Variants in GPHN observed in about 807,000 individuals in gnomAD.
GPHN encodes gephyrin.
GPHN carries 17 observed loss-of-function variants against 95.5 expected under a neutral mutation model. The ratio of observed to expected loss-of-function variants is 0.18; its 90% CI spans 0.12 to 0.27. The LOEUF (loss-of-function observed/expected upper bound fraction) is 0.27, where lower values mean the gene tolerates loss of function less well. Among genes scored for constraint, GPHN ranks in the 10% least tolerant of loss-of-function variants. The pLI, the probability that GPHN is intolerant of heterozygous loss-of-function variation, is 1.00. For missense variants in GPHN, 660 were observed against 978.1 expected, an observed-to-expected ratio of 0.67 and a Z score of 4.34; for synonymous variants, 320 against 322.5, an observed-to-expected ratio of 0.99 and a Z score of 0.08.
chr14:66,526,854 A>G (rs1015706816), intron 1 of GPHN, among the ~76,000 whole-genome samples: 1 of 152,084 alleles, frequency 6.6e-6, no homozygotes, highest in Non-Finnish European at 1.5e-5. Flanking sequence ...AAGCTTTCTG[A>G]TGTGCTATTG....
chr14:66,564,177 G>A (rs7156795), intron 1 of GPHN, among the ~76,000 whole-genome samples: 38,336 of 151,848 alleles, frequency 0.25, 9,744 homozygotes, highest in African/African-American at 0.62. Context: ...TACCCTGGTG[G>A]TTCTTAGATT....
At chr14:67,028,028 C>T (rs544513564) in intron 10 of GPHN, among the ~76,000 whole-genome samples, 2 of 151,968 alleles carry the variant, frequency 1.3e-5, no homozygotes, top group Admixed American at 1.3e-4. Flanking sequence ...TTTCTTTATC[C>T]CCCACACCAT....
At chr14:66,611,856 A>G (rs1434631523) in intron 1 of GPHN, among the ~76,000 whole-genome samples, 1 of 152,130 alleles carries the variant, frequency 6.6e-6, no homozygotes. Flanking sequence ...CTTCCATACT[A>G]TTCTTCACTG....
chr14:67,477,797 A>G, the GPHN span, among the ~76,000 whole-genome samples: 1 of 152,170 alleles, frequency 6.6e-6, no homozygotes, highest in South Asian at 2.1e-4. Context: ...CAAACCCATT[A>G]TCTTTTCCCC....
intron 9 of GPHN, among the ~76,000 whole-genome samples, chr14:66,974,604 T>C (rs1358573598): frequency 6.6e-6 from 1 of 152,108 alleles, no homozygotes; most frequent in Non-Finnish European, 1.5e-5. Context: ...TAAGACAGAC[T>C]GTAAGTGGTA....
chr14:67,041,243 G>T (rs2074685074), intron 10 of GPHN, among the ~76,000 whole-genome samples: 1 of 151,336 alleles, frequency 6.6e-6, no homozygotes, highest in African/African-American at 2.4e-5. Flanking sequence ...TATACTTTAA[G>T]TTCTGGGGTA....
the GPHN span, among the ~76,000 whole-genome samples, chr14:67,195,744 T>C: frequency 6.6e-6 from 1 of 151,892 alleles, no homozygotes; most frequent in East Asian, 1.9e-4. Flanking sequence ...TGTGTGTGTG[T>C]GTGTGTGTGT....
rs1477037847 is a variant in GPHN at position 67,144,240 on chromosome 14, AAAAAAAAAAAATATATAT to A, written c.1836+793_1836+810del. Among the ~76,000 whole-genome samples, 211 of 54,524 alleles carry A rather than the reference AAAAAAAAAAAATATATAT, an allele frequency of 3.9e-3. 45 individuals are homozygous for A. Among genetic ancestry groups the A allele is most frequent in the African/African-American group, 0.026 (200 of 7,708 alleles). 35.8% of individuals were successfully genotyped at this position (54,524 alleles called of 152,430 possible). ...CAACACAGCAAGACCCTGTCTTAAA[AAAAAAAAAAAATATATAT>A]ATATATATATATATATATATATATA... On this transcript the variant is annotated intron_variant, in intron 18 of 22. Coordinates refer to ENST00000478722, the MANE Select transcript of GPHN (RefSeq NM_020806.5).
intron 17 of GPHN, among the ~76,000 whole-genome samples, chr14:67,129,886 GAGAA>G (rs546516385): frequency 7.0e-4 from 106 of 151,922 alleles, no homozygotes; most frequent in Non-Finnish European, 1.0e-3. Flanking sequence ...CAGGAAGAAA[GAGAA>G]AGAAAGAAAG....
At chr14:67,233,124 T>TTATTTTATTA in the GPHN span, among the ~76,000 whole-genome samples, 1 of 150,476 alleles carries the variant, frequency 6.6e-6, no homozygotes, top group South Asian at 2.1e-4. Flanking sequence ...TTATTTTATT[T>TTATTTTATTA]TATTTTATTT....
At chr14:67,586,787 G>C in the GPHN span, 7 of 1,375,274 alleles carry the variant, frequency 5.1e-6, no homozygotes, top group East Asian at 2.1e-4. Context: ...CCTTTCTTAA[G>C]AAGGCCCCTT....
the GPHN span, among the ~76,000 whole-genome samples, chr14:67,710,730 TTTTTTTAGAAAGAACG>T: frequency 6.6e-6 from 1 of 152,032 alleles, no homozygotes; most frequent in African/African-American, 2.4e-5. Flanking sequence ...GACACACTTT[TTTTTTTAGAAAGAACG>T]TTTTCCTACA....
the GPHN span, among the ~76,000 whole-genome samples, chr14:67,261,465 A>G: frequency 6.6e-6 from 1 of 152,164 alleles, no homozygotes; most frequent in Non-Finnish European, 1.5e-5. Context: ...CGATTTTGAA[A>G]ATACTTCAGT....
chr14:67,666,010 G>A, the GPHN span, among the ~76,000 whole-genome samples: 34 of 152,250 alleles, frequency 2.2e-4, no homozygotes, highest in East Asian at 5.2e-3. Context: ...AGTCAAAAAC[G>A]GCTACTTCCA....
At chr14:66,793,854 T>C (rs966957872) in intron 3 of GPHN, among the ~76,000 whole-genome samples, 1 of 151,634 alleles carries the variant, frequency 6.6e-6, no homozygotes, top group African/African-American at 2.4e-5. Flanking sequence ...AAAGAAAACA[T>C]TAAAAGGGAA....
At chr14:66,731,841 C>T (rs1016957123) in intron 2 of GPHN, among the ~76,000 whole-genome samples, 1 of 152,170 alleles carries the variant, frequency 6.6e-6, no homozygotes, top group Non-Finnish European at 1.5e-5. Flanking sequence ...CCCTGAGCCC[C>T]TCTGCTCTGT....
intron 2 of GPHN, among the ~76,000 whole-genome samples, chr14:66,739,920 GC>G (rs1318391869): frequency 4.6e-5 from 7 of 152,108 alleles, no homozygotes; most frequent in Admixed American, 3.3e-4. Context: ...AAATGTCCTA[GC>G]AAATTTGGAA....
At chr14:67,609,388 G>A in the GPHN span, among the ~76,000 whole-genome samples, 1 of 152,170 alleles carries the variant, frequency 6.6e-6, no homozygotes, top group Admixed American at 6.5e-5. Context: ...CCATGGAGTT[G>A]GGGTGCACCG....
intron 9 of GPHN, among the ~76,000 whole-genome samples, chr14:66,985,474 G>A (rs1049020494): frequency 3.3e-5 from 5 of 152,100 alleles, no homozygotes; most frequent in African/African-American, 1.2e-4. Flanking sequence ...CTCAGGGATA[G>A]TGCCATAACA....
Sources: allele counts gnomAD v4.1 joint callset (sites outside exome capture counted in the v4.1 genomes callset), GRCh38; gene constraint gnomAD v4.1.1; transcripts MANE v1.5; gene names NCBI Gene and HGNC (gene_info 2026-07-23, HGNC 2026-07-21).